Variants in ATP2B2 observed in about 807,000 individuals in gnomAD.
ATP2B2 encodes the protein ATPase plasma membrane Ca2+ transporting 2, also known as plasma membrane calcium-transporting ATPase 2.
In ATP2B2, 15 loss-of-function variants were observed where a neutral mutation model predicts 120.0. The ratio of observed to expected loss-of-function variants is 0.12; its 90% CI spans 0.08 to 0.19. The LOEUF is 0.19. Among genes scored for constraint, ATP2B2 ranks in the 10% least tolerant of loss-of-function variants. The probability of loss-of-function intolerance (pLI) is 1.00; values close to 1 mark genes in which losing one functional copy is unlikely to be tolerated. For synonymous variants in ATP2B2, 694 were observed against 700.3 expected (o/e 0.99, Z 0.14); for missense variants, 1,045 against 1,719.8 (o/e 0.61, Z 6.94).
chr3:10,684,187 C>T (rs1009630745), intron 1 of ATP2B2, among the ~76,000 whole-genome samples: 1 of 152,128 alleles, frequency 6.6e-6, no homozygotes, highest in African/African-American at 2.4e-5. Flanking sequence ...GGCACATGAC[C>T]TAAGCAGGGC....
chr3:10,606,989 AG>A (rs2069103821), intron 2 of ATP2B2, among the ~76,000 whole-genome samples: 1 of 38,150 alleles, frequency 2.6e-5, no homozygotes, highest in Non-Finnish European at 6.7e-5. Context: ...AAAGAAAGAG[AG>A]AGAGAGAGAC....
intron 1 of ATP2B2, among the ~76,000 whole-genome samples, chr3:10,646,195 A>G (rs1317819539): frequency 1.3e-5 from 2 of 152,226 alleles, no homozygotes; most frequent in Non-Finnish European, 2.9e-5. Flanking sequence ...CTAAATCGCT[A>G]AAGACTCCTA....
chr3:10,567,129 T>A (rs2068026919), intron 2 of ATP2B2, among the ~76,000 whole-genome samples: 1 of 152,194 alleles, frequency 6.6e-6, no homozygotes, highest in African/African-American at 2.4e-5. Context: ...GAGGTGTCTC[T>A]CCTGGTGTCA....
intron 1 of ATP2B2, among the ~76,000 whole-genome samples, chr3:10,484,238 G>T (rs1248889982): frequency 6.6e-6 from 1 of 152,160 alleles, no homozygotes; most frequent in East Asian, 1.9e-4. Context: ...AGGGACCAGA[G>T]ACTTCCAGGG....
At chr3:10,609,528 G>T (rs2069173863) in intron 2 of ATP2B2, among the ~76,000 whole-genome samples, 1 of 152,208 alleles carries the variant, frequency 6.6e-6, no homozygotes, top group Non-Finnish European at 1.5e-5. Flanking sequence ...ATCGGTGGGG[G>T]TTGGATGGTA....
At chr3:10,380,774 A>G (rs1342641660) in intron 8 of ATP2B2, among the ~76,000 whole-genome samples, 1 of 152,164 alleles carries the variant, frequency 6.6e-6, no homozygotes, top group African/African-American at 2.4e-5. Context: ...CTGGCTTTCT[A>G]TCTCCCAATC....
At chr3:10,379,037 G>A (rs1341471325) in intron 9 of ATP2B2, among the ~76,000 whole-genome samples, 1 of 152,202 alleles carries the variant, frequency 6.6e-6, no homozygotes, top group Non-Finnish European at 1.5e-5. Flanking sequence ...GCTGGCCCAT[G>A]GGTATCCCCC....
chr3:10,444,135 C>T (rs1056657314), intron 2 of ATP2B2, among the ~76,000 whole-genome samples: 3 of 152,212 alleles, frequency 2.0e-5, no homozygotes, highest in South Asian at 2.1e-4. Context: ...CACATGAAGG[C>T]GCTGGAGTGG....
chr3:10,465,658 T>G (rs993139769), intron 1 of ATP2B2, among the ~76,000 whole-genome samples: 2 of 152,252 alleles, frequency 1.3e-5, no homozygotes, highest in African/African-American at 4.8e-5. Flanking sequence ...TCCCTGCCCC[T>G]GTAGATATTT....
At chr3:10,374,098 G>A (rs34849108) in intron 11 of ATP2B2, among the ~76,000 whole-genome samples, 19,885 of 152,148 alleles carry the variant, frequency 0.13, 1,616 homozygotes, top group East Asian at 0.27. Context: ...CGAAGGTAGC[G>A]GGTGCCAGAG....
In ATP2B2 at chr3:10,346,285, TCCAGGCTGGCCTATAGCTG is replaced by T; in HGVS notation, c.2405-167_2405-149del. On this transcript the variant is annotated intron_variant, in intron 16 of 22. Transcript: ENST00000360273. The surrounding 1 kb of genome is among the most constrained non-coding windows in gnomAD (Gnocchi z 4.1). The stretch of plus-strand genomic sequence containing the variant: ...CCCCTCCATCCAGGCTCTTCCCAGC[TCCAGGCTGGCCTATAGCTG>T]CCAGCAGGTTACAGTGGGCTCCTTA... The T allele has an allele frequency of 1.2e-6, 1 of 806,422 alleles. No homozygotes were observed. The allele number at this position is 806,422 out of a possible 1,614,324, so 50.0% of individuals were successfully genotyped here.
chr3:10,586,095 A>G (rs927129604), intron 2 of ATP2B2, among the ~76,000 whole-genome samples: 1 of 152,182 alleles, frequency 6.6e-6, no homozygotes, highest in Non-Finnish European at 1.5e-5. Context: ...TTAGTCAAAG[A>G]TATTTTTAGA....
intron 2 of ATP2B2, among the ~76,000 whole-genome samples, chr3:10,560,293 C>T (rs753528150): frequency 5.9e-5 from 9 of 152,168 alleles, no homozygotes; most frequent in East Asian, 1.9e-4. Context: ...CTTCTGATGA[C>T]GGCTGGAGTC....
At chr3:10,530,140 G>C (rs1242534645) in intron 3 of ATP2B2, among the ~76,000 whole-genome samples, 2 of 152,192 alleles carry the variant, frequency 1.3e-5, no homozygotes, top group East Asian at 1.9e-4. Flanking sequence ...GTGGCTGAGA[G>C]CGACCGACAC....
chr3:10,671,598 T>C (rs2071098675), intron 1 of ATP2B2, among the ~76,000 whole-genome samples: 1 of 152,192 alleles, frequency 6.6e-6, no homozygotes, highest in Non-Finnish European at 1.5e-5. Flanking sequence ...ATGCCAATAC[T>C]GCAGGTCAGA....
At chr3:10,510,077 A>G (rs938276078), upstream of ATP2B2, among the ~76,000 whole-genome samples, 1 of 152,176 alleles carries the variant, frequency 6.6e-6, no homozygotes, top group Non-Finnish European at 1.5e-5. Flanking sequence ...TGGCTGGTAG[A>G]TAAGGGTTCC....
chr3:10,571,348 A>G (rs1387297204), intron 2 of ATP2B2, among the ~76,000 whole-genome samples: 1 of 152,254 alleles, frequency 6.6e-6, no homozygotes, highest in Non-Finnish European at 1.5e-5. Flanking sequence ...AGGGCCAGGT[A>G]GGTGACTCGT....
intron 2 of ATP2B2, among the ~76,000 whole-genome samples, chr3:10,411,515 G>A (rs1399870504): frequency 6.6e-6 from 1 of 152,230 alleles, no homozygotes; most frequent in East Asian, 1.9e-4. Context: ...GGTTAGAGAA[G>A]AATCAGAAGC....
chr3:10,420,821 T>C (rs2062952998), intron 2 of ATP2B2, among the ~76,000 whole-genome samples: 1 of 152,224 alleles, frequency 6.6e-6, no homozygotes, highest in Admixed American at 6.5e-5. Context: ...AGGCACTAGT[T>C]CCTAACTTGG....
Sources: allele counts gnomAD v4.1 joint callset (sites outside exome capture counted in the v4.1 genomes callset), GRCh38; gene constraint gnomAD v4.1.1; non-coding constraint Gnocchi (gnomAD v3.1); transcripts MANE v1.5; gene names NCBI Gene and HGNC (gene_info 2026-07-23, HGNC 2026-07-21).